Variants in CNBD1 observed in about 807,000 individuals in gnomAD.
CNBD1 encodes the protein cyclic nucleotide binding domain containing 1.
A neutral mutation model predicts 54.4 loss-of-function variants in CNBD1; 71 were observed. That is an observed-to-expected ratio of 1.30 (90% CI 1.08 to 1.59). CNBD1 has a LOEUF of 1.59. CNBD1 is among the 40% of genes most tolerant of loss of function. The pLI is 0.00. For synonymous variants in CNBD1, 182 were observed against 170.7 expected (o/e 1.07, Z -0.51); for missense variants, 659 against 518.0 (o/e 1.27, Z -2.64).
intron 10 of CNBD1, among the ~76,000 whole-genome samples, chr8:87,372,230 C>T (rs192495040): frequency 1.3e-5 from 2 of 152,026 alleles, no homozygotes; most frequent in African/African-American, 4.8e-5. Context: ...AGTGAACTCC[C>T]GTTCATAATT....
chr8:87,354,422 A>T (rs138242589), intron 10 of CNBD1, among the ~76,000 whole-genome samples: 1,705 of 151,926 alleles, frequency 0.011, 34 homozygotes, highest in African/African-American at 0.037. Context: ...TATTATTATT[A>T]TACTTTAAGT....
At chr8:87,287,210 C>T (rs1006701685) in intron 8 of CNBD1, among the ~76,000 whole-genome samples, 1 of 152,068 alleles carries the variant, frequency 6.6e-6, no homozygotes, top group Non-Finnish European at 1.5e-5. Context: ...GCACGGATTT[C>T]CTGGATTATG....
At chr8:86,960,423 G>T (rs1201997790) in intron 4 of CNBD1, among the ~76,000 whole-genome samples, 1 of 152,194 alleles carries the variant, frequency 6.6e-6, no homozygotes, top group Non-Finnish European at 1.5e-5. Flanking sequence ...CAAGGTGGCA[G>T]TGAGGCTGGG....
Position 87,228,613 on chromosome 8 carries a change from T to C in CNBD1, c.578-8306T>C, listed in dbSNP as rs570082707. 3.3e-5 allele frequency among the ~76,000 whole-genome samples: 5 copies of C among 151,416 alleles called. No homozygotes were observed. In the East Asian group the frequency reaches 7.7e-4, roughly 23 times the overall value. On this transcript the variant is annotated intron_variant, in intron 5 of 10. Transcript: ENST00000518476. ...GTCCGCCCGTTCTCAGATCTCCAGC[T>C]GCGTGCTGGGAGAACCACTGCTCTC...
chr8:86,895,858 T>C (rs1280931813), intron 2 of CNBD1, among the ~76,000 whole-genome samples: 3 of 152,202 alleles, frequency 2.0e-5, no homozygotes, highest in African/African-American at 7.2e-5. Flanking sequence ...TTATCAAATA[T>C]GTGTTTTGCA....
chr8:87,350,738 TA>T (rs1259407596), intron 8 of CNBD1, among the ~76,000 whole-genome samples: 2 of 152,098 alleles, frequency 1.3e-5, no homozygotes, highest in African/African-American at 4.8e-5. Flanking sequence ...CTGCTGTGTT[TA>T]AAGTTTTCAG....
chr8:87,095,947 A>C (rs547814167), intron 4 of CNBD1, among the ~76,000 whole-genome samples: 13 of 152,248 alleles, frequency 8.5e-5, no homozygotes, highest in South Asian at 8.3e-4. Context: ...CATGAGCCAC[A>C]ACGCCCGGCC....
At chr8:87,411,206 A>G (rs552988840) in intron 2 of CNBD1, among the ~76,000 whole-genome samples, 1 of 151,576 alleles carries the variant, frequency 6.6e-6, no homozygotes, top group Non-Finnish European at 1.5e-5. Context: ...ATAGCCATCC[A>G]AGGTCAGAGG....
chr8:87,325,844 T>C (rs1481803196), intron 8 of CNBD1, among the ~76,000 whole-genome samples: 1 of 147,128 alleles, frequency 6.8e-6, no homozygotes, highest in East Asian at 1.9e-4. Context: ...GATCCTGTCA[T>C]TATGATGTTA....
intron 4 of CNBD1, among the ~76,000 whole-genome samples, chr8:87,120,960 C>G (rs1276784809): frequency 6.6e-6 from 1 of 151,888 alleles, no homozygotes; most frequent in Non-Finnish European, 1.5e-5. Flanking sequence ...TTTCTGAAAG[C>G]ACTTGTTATA....
chr8:86,996,747 C>G (rs1236135424), intron 4 of CNBD1, among the ~76,000 whole-genome samples: 1 of 152,176 alleles, frequency 6.6e-6, no homozygotes, highest in Non-Finnish European at 1.5e-5. Context: ...TATGTATTTA[C>G]TACTTTAGCC....
At chr8:87,343,371 A>G (rs552666155) in intron 8 of CNBD1, among the ~76,000 whole-genome samples, 13 of 152,218 alleles carry the variant, frequency 8.5e-5, no homozygotes, top group African/African-American at 2.9e-4. Context: ...GCTTACAAAA[A>G]TGATGAGATT....
intron 4 of CNBD1, among the ~76,000 whole-genome samples, chr8:87,038,539 G>A (rs1809998037): frequency 6.6e-6 from 1 of 152,104 alleles, no homozygotes; most frequent in South Asian, 2.1e-4. Context: ...CAGCTCAAGA[G>A]GCCAATCTTA....
intron 6 of CNBD1, among the ~76,000 whole-genome samples, chr8:87,281,566 ATATATATATATATATATATATATAT>A: frequency 6.6e-5 from 1 of 15,052 alleles, no homozygotes; most frequent in Admixed American, 4.5e-4. Context: ...ATATATATAT[ATATATATATATATATATATATATAT>A]ATATATATAT....
intron 4 of CNBD1, among the ~76,000 whole-genome samples, chr8:87,176,609 C>T (rs1813202751): frequency 1.3e-5 from 2 of 151,316 alleles, no homozygotes; most frequent in South Asian, 4.2e-4. Context: ...CCCAGCCTCC[C>T]GATTAGCTGG....
At chr8:87,329,715 A>G (rs532523990) in intron 8 of CNBD1, among the ~76,000 whole-genome samples, 6 of 152,048 alleles carry the variant, frequency 3.9e-5, no homozygotes, top group Admixed American at 2.0e-4. Context: ...TTGCTAGTAT[A>G]TAGGGAAGAA....
intron 4 of CNBD1, among the ~76,000 whole-genome samples, chr8:87,156,528 G>A (rs1812746523): frequency 6.6e-6 from 1 of 151,818 alleles, no homozygotes. Context: ...GCAGCCGTGA[G>A]CCACCGCACC....
At chr8:87,251,835 A>G (rs1326823652) in intron 6 of CNBD1, among the ~76,000 whole-genome samples, 2 of 152,126 alleles carry the variant, frequency 1.3e-5, no homozygotes, top group Non-Finnish European at 2.9e-5. Flanking sequence ...CATCTCTTAT[A>G]TGAATAATTC....
At chr8:87,253,486 G>C (rs1057000029) in intron 6 of CNBD1, among the ~76,000 whole-genome samples, 1 of 152,142 alleles carries the variant, frequency 6.6e-6, no homozygotes, top group Non-Finnish European at 1.5e-5. Context: ...TAGGCCTGCA[G>C]GAGGTGCCTG....
Sources: gnomAD v4.1 joint callset for allele counts (sites outside exome capture counted in the v4.1 genomes callset) on GRCh38, gnomAD v4.1.1 for gene constraint, MANE v1.5 for transcripts, NCBI Gene and HGNC (gene_info 2026-07-23, HGNC 2026-07-21) for gene names.